Variants in PPIE observed in about 807,000 individuals in gnomAD.
PPIE encodes the protein peptidyl-prolyl cis-trans isomerase E.
In PPIE, 20 loss-of-function variants were observed where a neutral mutation model predicts 38.4. The ratio of observed to expected loss-of-function variants is 0.52; its 90% CI spans 0.37 to 0.76. PPIE has a LOEUF of 0.76. PPIE is among the 30% of genes least tolerant of loss of function. The pLI is 0.00. For synonymous variants in PPIE, 142 were observed against 135.7 expected, an observed-to-expected ratio of 1.05 and a Z score of -0.32; for missense variants, 322 against 385.8, an observed-to-expected ratio of 0.83 and a Z score of 1.39.
rs1425380294 is a variant in PPIE, at chr1:39,752,970, G to A, written c.755G>A (p.Cys252Tyr). The change falls in exon 9 of 10, where the codon TGT becomes TAT. Residue 252 changes from cysteine to tyrosine, a missense_variant. By Grantham distance (194) the Cys-to-Tyr change is radical. Transcript: ENST00000324379. ...AATGGCTCTCAGTTCTTCCTGACAT[G>A]TGACAAGACAGACTGGCTGGATGGC... ...NTNGSQFFLT[C>Y]DKTDWLDGKH... is the part of the protein sequence containing the mutation. 6.2e-7 allele frequency: 1 copy of A among 1,614,084 alleles called. No homozygotes were observed. The highest frequency in any genetic ancestry group is 1.3e-5 in the African/African-American group (1 of 74,942).
chr1:39,753,844 G>A lies in PPIE; in HGVS notation c.*489G>A, dbSNP rs1355187130. On this transcript the variant is annotated 3_prime_UTR_variant, in exon 10 of 10. Transcript: ENST00000324379. ...CTCCCTTGGGCCGATCCCCTTAGAT[G>A]TCAGGTGATGTATCTTCACACCAGG... The A allele has an allele frequency of 1.0e-6, 1 of 987,000 alleles. No individual in the cohort carries two copies. Among genetic ancestry groups the A allele is most frequent in the Non-Finnish European group, 1.2e-6 (1 of 831,110 alleles). 61.1% of individuals were successfully genotyped at this position (987,000 alleles called of 1,614,324 possible). A position where few individuals can be genotyped will look rare whatever the true frequency, so the allele number is the denominator to read the frequency against.
Position 39,738,893 on chromosome 1 carries a change from C to A in PPIE, c.-8C>A. The stretch of plus-strand genomic sequence containing the variant: ...TGCTGGCTTCCGGCGGAAAAGCGCG[C>A]GAGCAAGATGGCCACCACCAAGCGC... On this transcript the variant is annotated 5_prime_UTR_variant, in exon 1 of 10. Coordinates refer to ENST00000324379, the MANE Select transcript of PPIE (RefSeq NM_006112.4). The A allele has an allele frequency of 6.6e-7, 1 of 1,512,448 alleles. No individual in the cohort carries two copies. Among genetic ancestry groups the A allele is most frequent in the Admixed American group, 2.3e-5 (1 of 43,320 alleles). The allele number at this position is 1,512,448 out of a possible 1,614,324, so 93.7% of individuals were successfully genotyped here.
In PPIE at chr1:39,753,328, C is replaced by A. The variant is rs1647950726; in HGVS notation, c.879C>A (p.Ile293=). ...SKDGKPKQKV[I]IADCGEYV is the part of the protein sequence containing the mutation. ...ACGGGAAGCCAAAGCAGAAGGTGAT[C>A]ATCGCCGACTGTGGGGAGTACGTGT... The change falls in exon 10 of 10, where the codon ATC becomes ATA. Residue 293 remains isoleucine, a synonymous_variant. Transcript: ENST00000324379. 6.2e-7 allele frequency: 1 copy of A among 1,614,206 alleles called. No homozygotes were observed. The highest frequency in any genetic ancestry group is 8.5e-7 in the Non-Finnish European group (1 of 1,180,014).
intron 3 of PPIE, 29 bp from the exon 4 acceptor site, chr1:39,741,866 A>T (rs773271993): frequency 6.2e-7 from 1 of 1,614,158 alleles, no homozygotes; most frequent in South Asian, 1.1e-5. Flanking sequence ...CTGCAAGCCT[A>T]AACTTGTACC....
chr1:39,746,249 G>T (rs1647200454), intron 7 of PPIE: 1 of 152,134 alleles, frequency 6.6e-6, no homozygotes, highest in African/African-American at 2.4e-5. Flanking sequence ...AACAATGTAA[G>T]CATCATGTGA....
chr1:39,740,442 G>A (rs900052255), intron 2 of PPIE, among the ~76,000 whole-genome samples, 179 bp downstream of exon 2: 18 of 152,232 alleles, frequency 1.2e-4, no homozygotes, highest in African/African-American at 2.9e-4. Flanking sequence ...GAGGCCATGT[G>A]GTTGTGAACT....
At chr1:39,760,616 T>G, downstream of PPIE, 1 of 1,589,044 alleles carries the variant, frequency 6.3e-7, no homozygotes, top group Non-Finnish European at 8.5e-7. Flanking sequence ...AGTGGCCTCC[T>G]CCAAGGACCC....
At chr1:39,750,939 A>T (rs533168189) in intron 8 of PPIE, among the ~76,000 whole-genome samples, 1 of 152,248 alleles carries the variant, frequency 6.6e-6, no homozygotes, top group South Asian at 2.1e-4. Context: ...CTGTAACTAT[A>T]ATAGGGAAGA....
chr1:39,761,424 A>ACCCCCCCCCCCCAACCCCACCCC (rs1437075782), downstream of PPIE: 1 of 113,144 alleles, frequency 8.8e-6, no homozygotes, highest in Non-Finnish European at 1.9e-5. Flanking sequence ...TTCCACCACC[A>ACCCCCCCCCCCCAACCCCACCCC]CCCCCACCCC....
In PPIE at chr1:39,742,148, GTC is replaced by G. The variant is rs896498148; in HGVS notation, c.201+232_201+233del. On this transcript the variant is annotated intron_variant, in intron 4 of 9. Coordinates refer to ENST00000324379, the MANE Select transcript of PPIE (RefSeq NM_006112.4). ...AAGTCCTCATCATCCTTGTTGACCA[GTC>G]TCTCACTGGCTCTCCCATGTTTAGG... 5.7e-6 allele frequency: 3 copies of G among 524,186 alleles called. No individual in the cohort carries two copies. The African/African-American group carries it at 5.8e-5, about 10-fold the overall frequency. 32.5% of individuals were successfully genotyped at this position (524,186 alleles called of 1,614,324 possible). A position where few individuals can be genotyped will look rare whatever the true frequency, so the allele number is the denominator to read the frequency against.
rs1366647977 is a variant in PPIE at position 39,755,365 on chromosome 1, C to T, written c.*2010C>T. The T allele has an allele frequency of 1.0e-5, 10 of 985,326 alleles. No homozygotes were observed. In the South Asian group the frequency reaches 4.2e-4, roughly 42 times the overall value. 61.0% of individuals were successfully genotyped at this position (985,326 alleles called of 1,614,324 possible). ...TGGCATTCTGCCCTACCTCTGGCTCCCATGTGCCGACTGGACTTTGTGAGC... is the reference window on the plus strand; with the variant it reads ...TGGCATTCTGCCCTACCTCTGGCTCTCATGTGCCGACTGGACTTTGTGAGC... On this transcript the variant is annotated 3_prime_UTR_variant, in exon 10 of 10. Transcript: ENST00000324379.
Position 39,752,921 on chromosome 1 carries a change from A to G in PPIE, c.706A>G (p.Met236Val), listed in dbSNP as rs1647891332. The change falls in exon 9 of 10, where the codon ATG (methionine) becomes GTG (valine). Residue 236 changes from methionine to valine, a missense_variant. Physicochemically the swap from Met to Val is conservative, Grantham distance 21 (BLOSUM62 1). Transcript: ENST00000324379. The stretch of plus-strand genomic sequence containing the variant: ...GTTCTCTCCCTCAGGTCTACTATCC[A>G]TGGCCAACTCTGGCCCAAACACCAA... ...LKHTGPGLLS[M>V]ANSGPNTNGS... is the part of the protein sequence containing the mutation. The G allele has an allele frequency of 1.9e-6, 3 of 1,613,684 alleles. No individual in the cohort carries two copies. Among genetic ancestry groups the G allele is most frequent in the Non-Finnish European group, 2.5e-6 (3 of 1,179,902 alleles).
Position 39,741,984 on chromosome 1 carries a change from C to T in PPIE, c.201+63C>T, listed in dbSNP as rs927420140. The stretch of plus-strand genomic sequence containing the variant: ...TTTGGTGGTACAGAGGCTCCTTATT[C>T]ATATATCAGTGTTCTGGACTTCCAA... On this transcript the variant is annotated intron_variant, in intron 4 of 9. Transcript: ENST00000324379. The T allele has an allele frequency of 6.3e-5, 99 of 1,563,418 alleles. No individual in the cohort carries two copies. The Middle Eastern group carries it at 6.7e-4, about 11-fold the overall frequency.
rs529287425 is a variant in PPIE at position 39,740,641 on chromosome 1, C to T, written c.130+378C>T. On this transcript the variant is annotated intron_variant, in intron 2 of 9. Transcript: ENST00000324379. The stretch of plus-strand genomic sequence containing the variant: ...ATGAGGCAGCGGGAAAGCCTAGCCC[C>T]ATAATGGGGGTGGGTGAGGGCGGGG... 5.3e-5 allele frequency among the ~76,000 whole-genome samples: 8 copies of T among 152,236 alleles called. No homozygotes were observed. In the East Asian group the frequency reaches 1.5e-3, roughly 29 times the overall value.
chr1:39,753,233 C>T, intron 9 of PPIE, 54 bp from the exon 10 acceptor site: 1 of 1,607,132 alleles, frequency 6.2e-7, no homozygotes, highest in Non-Finnish European at 8.5e-7. Context: ...GTTGGTATCC[C>T]TAAACCACTG....
rs149259369 is a variant in PPIE at position 39,751,730 on chromosome 1, A to G, written c.695-1180A>G. ...TTGTGCCAGACATTGCAGAACATCT[A>G]GCATTCCAGGCCCCCACCTGCTAAA... On this transcript the variant is annotated intron_variant, in intron 8 of 9. Coordinates refer to ENST00000324379, the MANE Select transcript of PPIE (RefSeq NM_006112.4). Among the ~76,000 whole-genome samples, 921 of 152,264 alleles carry G rather than the reference A, an allele frequency of 6.0e-3. 11 individuals carry two copies. Among genetic ancestry groups the G allele is most frequent in the African/African-American group, 0.021 (870 of 41,534 alleles).
chr1:39,748,161 A>C (rs1422685935), intron 7 of PPIE: 1 of 152,196 alleles, frequency 6.6e-6, no homozygotes, highest in African/African-American at 2.4e-5. Flanking sequence ...TTTGCAAATA[A>C]GCATTCTCCT....
At position 39,740,258 on chromosome 1, in the gene PPIE, A is replaced by G. The variant is rs1283154375; in HGVS notation, c.125A>G (p.Glu42Gly). The G allele has an allele frequency of 7.4e-6, 12 of 1,612,730 alleles. No individual in the cohort carries two copies. Among genetic ancestry groups the G allele is most frequent in the Non-Finnish European group, 1.0e-5 (12 of 1,178,920 alleles). ...GATATTCAGATTCCTCTGGATTATG[A>G]AACAGGTGAGTTAGTGTCTCTCACG... ...ITDIQIPLDY[E>G]TEKHRGFAFV... The change falls in exon 2 of 10, where the codon GAA becomes GGA. Residue 42 changes from glutamate to glycine, a missense_variant. Coordinates refer to ENST00000324379, the MANE Select transcript of PPIE (RefSeq NM_006112.4).
chr1:39,745,021 T>G (rs1291577136), intron 6 of PPIE, among the ~76,000 whole-genome samples: 1 of 152,190 alleles, frequency 6.6e-6, no homozygotes, highest in African/African-American at 2.4e-5. Flanking sequence ...GGGCTGGAAC[T>G]GGCATTTGAA....
Sources: allele counts gnomAD v4.1 joint callset (sites outside exome capture counted in the v4.1 genomes callset), GRCh38; gene constraint gnomAD v4.1.1; transcripts MANE v1.5; gene names NCBI Gene and HGNC (gene_info 2026-07-23, HGNC 2026-07-21).